ASAP1: variants seen among roughly 807,000 people sequenced by gnomAD.
ASAP1 encodes the protein ArfGAP with SH3 domain, ankyrin repeat and PH domain 1, also known as arf-GAP with SH3 domain, ANK repeat and PH domain-containing protein 1.
In ASAP1, 43 loss-of-function variants were observed where a neutral mutation model predicts 145.2. The observed-to-expected ratio is 0.30, with a 90% CI of 0.23 to 0.38. The LOEUF is 0.38. Among genes scored for constraint, ASAP1 ranks in the 10% least tolerant of loss-of-function variants. The pLI is 1.00. For missense variants in ASAP1, 1,018 were observed against 1,355.3 expected (o/e 0.75, Z 3.91); for synonymous variants, 546 against 515.5 (o/e 1.06, Z -0.80).
intron 3 of ASAP1, among the ~76,000 whole-genome samples, chr8:130,308,458 C>G (rs1001893217): frequency 6.6e-6 from 1 of 152,062 alleles, no homozygotes; most frequent in African/African-American, 2.4e-5. Context: ...GAATAAGATA[C>G]GGATGTTCTT....
intron 27 of ASAP1, chr8:130,069,711 C>T (rs111269010): frequency 1.3e-5 from 2 of 152,192 alleles, no homozygotes; most frequent in African/African-American, 4.8e-5. Context: ...CTCCGCTCTC[C>T]CAACATTAAA....
At chr8:130,152,417 A>G (rs971925879) in intron 13 of ASAP1, among the ~76,000 whole-genome samples, 1 of 152,158 alleles carries the variant, frequency 6.6e-6, no homozygotes, top group African/African-American at 2.4e-5. Context: ...TTTTACATGC[A>G]AAGAACAGCC....
intron 24 of ASAP1, among the ~76,000 whole-genome samples, chr8:130,099,680 C>CTTTTTT (rs57950334): frequency 2.0e-5 from 2 of 100,228 alleles, no homozygotes. Context: ...GGATTTCATT[C>CTTTTTT]TTTTTTTTTT....
chr8:130,347,029 A>G (rs540557716), intron 3 of ASAP1, among the ~76,000 whole-genome samples: 10 of 152,358 alleles, frequency 6.6e-5, no homozygotes, highest in African/African-American at 2.4e-4. Flanking sequence ...AAGTAAAGCC[A>G]TTAGTCCTCA....
At chr8:130,189,598 T>C (rs1814994265) in intron 5 of ASAP1, among the ~76,000 whole-genome samples, 1 of 152,230 alleles carries the variant, frequency 6.6e-6, no homozygotes, top group African/African-American at 2.4e-5. Flanking sequence ...CTACTGTGAA[T>C]AGTGCTCCGA....
intron 15 of ASAP1, among the ~76,000 whole-genome samples, chr8:130,131,153 AAAACAAACAAAC>A (rs149995760): frequency 8.9e-4 from 133 of 149,300 alleles, no homozygotes; most frequent in East Asian, 2.2e-3. Context: ...CAAGACTCTG[AAAACAAACAAAC>A]AAACAAACAA....
At chr8:130,134,393 C>A in intron 14 of ASAP1, 49 bp from the exon 15 acceptor site, 1 of 1,225,544 alleles carries the variant, frequency 8.2e-7, no homozygotes, top group Non-Finnish European at 1.1e-6. Context: ...AAGCAGGGTA[C>A]TTTCAGGTAC....
At chr8:130,188,690 C>CCA (rs35199935) in intron 5 of ASAP1, among the ~76,000 whole-genome samples, 62,662 of 135,396 alleles carry the variant, frequency 0.46, 14,728 homozygotes, top group East Asian at 0.63. Flanking sequence ...GCCGAGATCA[C>CCA]CACTGCATTC....
At chr8:130,388,879 A>G (rs1349334842) in intron 2 of ASAP1, among the ~76,000 whole-genome samples, 1 of 152,208 alleles carries the variant, frequency 6.6e-6, no homozygotes, top group Non-Finnish European at 1.5e-5. Flanking sequence ...GTAAAAGTGA[A>G]AACTGCAGGC....
intron 2 of ASAP1, among the ~76,000 whole-genome samples, chr8:130,388,095 T>C (rs1413818463): frequency 3.9e-5 from 6 of 152,026 alleles, no homozygotes; most frequent in Admixed American, 1.3e-4. Flanking sequence ...GTGACGACCA[T>C]GGAGTGGGGG....
At position 130,358,640 on chromosome 8, in the gene ASAP1, G is replaced by C. The variant is rs1565244662; in HGVS notation, c.60-497C>G. Among the ~76,000 whole-genome samples, 1 of 147,126 alleles carries C rather than the reference G, an allele frequency of 6.8e-6. No individual in the cohort carries two copies. The highest frequency in any genetic ancestry group is 2.4e-5 in the African/African-American group (1 of 40,914). On this transcript the variant is annotated intron_variant, in intron 2 of 29. Coordinates refer to ENST00000518721, the MANE Select transcript of ASAP1 (RefSeq NM_018482.4). This position sits in a 1 kb window ranked among gnomAD's most constrained non-coding sequence, Gnocchi z 4.1. Reference sequence around the variant, plus strand: ...GGGCGGGCGGGCGGGCGGCGCTCGCGCTGCAGTCACGGGGCCAAACAAGGA... The same window carrying C: ...GGGCGGGCGGGCGGGCGGCGCTCGCCCTGCAGTCACGGGGCCAAACAAGGA...
intron 3 of ASAP1, among the ~76,000 whole-genome samples, chr8:130,248,681 G>A (rs1819006112): frequency 6.6e-6 from 1 of 152,152 alleles, no homozygotes; most frequent in Non-Finnish European, 1.5e-5. Context: ...GAGGAGACAA[G>A]CTGGGTATTA....
chr8:130,334,961 C>T, intron 3 of ASAP1, among the ~76,000 whole-genome samples: 1 of 152,132 alleles, frequency 6.6e-6, no homozygotes, highest in East Asian at 1.9e-4. Context: ...ATCAAGCATC[C>T]CTCCTTGTCT....
At chr8:130,189,942 G>A (rs1393772840) in intron 5 of ASAP1, among the ~76,000 whole-genome samples, 2 of 152,134 alleles carry the variant, frequency 1.3e-5, no homozygotes, top group Admixed American at 1.3e-4. Context: ...TGGGCCATTT[G>A]TAGGTCTTCT....
intron 5 of ASAP1, 80 bp from the exon 6 acceptor site, chr8:130,188,263 G>A (rs1330288329): frequency 3.6e-6 from 4 of 1,113,540 alleles, no homozygotes; most frequent in Non-Finnish European, 4.1e-6. Flanking sequence ...TATTGACTGA[G>A]CATTTTCCAC....
In ASAP1 at chr8:130,443,648, G is replaced by A. The variant is rs1043507851; in HGVS notation, c.-216C>T. ...CAGGCGAGGCGCGGGAGCCGAGCGC[G>A]GCGCAGGAAGGGGCGGGCGACCATG... On this transcript the variant is annotated 5_prime_UTR_variant, in exon 1 of 30. Transcript: ENST00000518721. 1 of 151,870 alleles carries A rather than the reference G, an allele frequency of 6.6e-6. No individual in the cohort carries two copies. The highest frequency in any genetic ancestry group is 1.5e-5 in the Non-Finnish European group (1 of 68,088). 9.4% of individuals were successfully genotyped at this position (151,870 alleles called of 1,614,324 possible). A position where few individuals can be genotyped will look rare whatever the true frequency, so the allele number is the denominator to read the frequency against.
intron 3 of ASAP1, among the ~76,000 whole-genome samples, chr8:130,251,418 A>AAAAT (rs1312758764): frequency 3.7e-4 from 57 of 152,224 alleles, no homozygotes; most frequent in African/African-American, 1.2e-3. Flanking sequence ...ACTCTGTCTT[A>AAAAT]AAATAAATAA....
At chr8:130,376,902 T>A (rs1417929691) in intron 2 of ASAP1, among the ~76,000 whole-genome samples, 3 of 14,102 alleles carry the variant, frequency 2.1e-4, no homozygotes, top group African/African-American at 3.3e-4. Context: ...AAACTCCATC[T>A]CAAAAAAAAA....
intron 3 of ASAP1, among the ~76,000 whole-genome samples, chr8:130,339,311 T>C (rs891439292): frequency 2.6e-5 from 4 of 152,200 alleles, no homozygotes; most frequent in African/African-American, 9.6e-5. Flanking sequence ...AGAACAAATT[T>C]AAGACGCTGG....
Sources: gnomAD v4.1 joint callset for allele counts (sites outside exome capture counted in the v4.1 genomes callset) on GRCh38, gnomAD v4.1.1 for gene constraint, Gnocchi (gnomAD v3.1) non-coding constraint, MANE v1.5 for transcripts, NCBI Gene and HGNC (gene_info 2026-07-23, HGNC 2026-07-21) for gene names.